The following EFCAB6 variants were observed in gnomAD, a reference collection of about 807,000 sequenced individuals.
EFCAB6 encodes EF-hand calcium binding domain 6.
Under a neutral mutation model 169.8 loss-of-function variants are expected in EFCAB6, and 156 were observed. The ratio of observed to expected loss-of-function variants is 0.92; its 90% CI spans 0.81 to 1.05. EFCAB6 has a LOEUF of 1.05. EFCAB6 is among the 50% of genes least tolerant of loss of function. The pLI is 0.00. For synonymous variants in EFCAB6, 698 were observed against 676.4 expected (o/e 1.03, Z -0.50); for missense variants, 1,800 against 1,829.1 (o/e 0.98, Z 0.29).
chr22:43,732,300 T>C (rs191107168), intron 7 of EFCAB6, among the ~76,000 whole-genome samples: 1 of 152,208 alleles, frequency 6.6e-6, no homozygotes, highest in African/African-American at 2.4e-5. Flanking sequence ...GAGCATATCC[T>C]TTCTCTAGAG....
rs188677330 is a variant in EFCAB6, at chr22:43,565,523, G to A, written c.3421-10427C>T. Among the ~76,000 whole-genome samples the A allele has an allele frequency of 3.4e-3, 520 of 152,294 alleles. 1 individual carries two copies. Among genetic ancestry groups the A allele is most frequent in the Non-Finnish European group, 4.7e-3 (321 of 68,022 alleles). ...CCACGAAATGGACATATTGCAAAGG[G>A]GCTTTGTGGCCCTTGGTGAGTATCC... On this transcript the variant is annotated intron_variant, in intron 26 of 31. Transcript: ENST00000262726.
chr22:43,765,419 A>G, intron 4 of EFCAB6, 26 bp from the exon 5 acceptor site: 3 of 1,566,474 alleles, frequency 1.9e-6, no homozygotes, highest in Middle Eastern at 1.7e-4. Context: ...AAGAATGACA[A>G]CATGTTAGAG....
intron 2 of EFCAB6, among the ~76,000 whole-genome samples, chr22:43,801,371 G>GA (rs927842334): frequency 3.3e-5 from 5 of 151,292 alleles, no homozygotes; most frequent in Admixed American, 1.3e-4. Flanking sequence ...CTAACATTCA[G>GA]AAAAAAAACA....
intron 1 of EFCAB6, among the ~76,000 whole-genome samples, chr22:43,810,716 C>T (rs1007426051): frequency 1.3e-5 from 2 of 152,158 alleles, no homozygotes; most frequent in African/African-American, 4.8e-5. Flanking sequence ...CTCAGGTAAG[C>T]ACTTCTTGAT....
chr22:43,687,499 T>C lies in EFCAB6; in HGVS notation c.1114A>G (p.Ser372Gly). The change falls in exon 11 of 32, where the codon AGT becomes GGT. Residue 372 changes from serine (S) to glycine (G), a missense_variant. Transcript: ENST00000262726. ...TTTCTTTTTGTCAGGGGACCTTTAC[T>C]GCTAACTTGCAACCCCTGAGGCTCA... ...FHEPQGLQVSSKGPLTKRNSI... is the reference protein window; with the variant it reads ...FHEPQGLQVSGKGPLTKRNSI... 2 of 1,583,664 alleles carry C rather than the reference T, an allele frequency of 1.3e-6. No individual in the cohort carries two copies. Among genetic ancestry groups the C allele is most frequent in the Non-Finnish European group, 1.7e-6 (2 of 1,166,426 alleles).
chr22:43,754,077 C>G (rs1350654293), intron 6 of EFCAB6, among the ~76,000 whole-genome samples: 1 of 152,102 alleles, frequency 6.6e-6, no homozygotes, highest in African/African-American at 2.4e-5. Context: ...GAGGGGTGTA[C>G]TGATTTGTTC....
intron 24 of EFCAB6, among the ~76,000 whole-genome samples, chr22:43,582,192 T>A: frequency 6.6e-6 from 1 of 152,252 alleles, no homozygotes; most frequent in Non-Finnish European, 1.5e-5. Context: ...ATTTAGTTAA[T>A]TTATCTGCTA....
intron 8 of EFCAB6, among the ~76,000 whole-genome samples, chr22:43,729,646 T>C (rs1603290961): frequency 6.6e-6 from 1 of 152,144 alleles, no homozygotes; most frequent in Non-Finnish European, 1.5e-5. Flanking sequence ...TAACTTCAGA[T>C]ACAAAATTAC....
intron 23 of EFCAB6, among the ~76,000 whole-genome samples, chr22:43,593,830 A>G (rs1279295091): frequency 6.6e-6 from 1 of 152,218 alleles, no homozygotes; most frequent in Non-Finnish European, 1.5e-5. Flanking sequence ...AGATGGAGCT[A>G]AGACAGAGCT....
Position 43,731,733 on chromosome 22 carries a change from G to A in EFCAB6, c.723C>T (p.Asn241=), listed in dbSNP as rs747059349. 66 of 1,599,342 alleles carry A rather than the reference G, an allele frequency of 4.1e-5. No homozygotes were observed. The highest frequency in any genetic ancestry group is 5.2e-5 in the Admixed American group (3 of 57,240). The change falls in exon 8 of 32, where the codon AAC becomes AAT. Residue 241 remains asparagine (N), a synonymous_variant. Coordinates refer to ENST00000262726, the MANE Select transcript of EFCAB6 (RefSeq NM_022785.4). ...NVFLKNLSIN[N]DLNLRYCMGN... ...CCATACAATATCTAAGGTTCAAGTC[G>A]TTATTTATGCTGAGATTCTTCAAAA...
In EFCAB6 at chr22:43,677,804, T is replaced by C. The variant is rs564150886; in HGVS notation, c.1419+192A>G. On this transcript the variant is annotated intron_variant, in intron 13 of 31. Transcript: ENST00000262726. ...TTTTCAGAAACGTCAATTACCATCC[T>C]TTTTTAAGATTCAGAAACTAAAAGT... 1.2e-4 allele frequency among the ~76,000 whole-genome samples: 19 copies of C among 152,318 alleles called. No homozygotes were observed. The South Asian group carries it at 3.7e-3, about 30-fold the overall frequency.
Position 43,668,959 on chromosome 22 carries a change from G to C in EFCAB6, c.1727C>G (p.Thr576Ser), listed in dbSNP as rs879695880. The change falls in exon 16 of 32, where the codon ACT (threonine) becomes AGT (serine). Residue 576 changes from threonine to serine, a missense_variant. Coordinates refer to ENST00000262726, the MANE Select transcript of EFCAB6 (RefSeq NM_022785.4). ...LACIGIDGPP[T>S]VSPVLVPKDQ... Reference sequence around the variant, plus strand: ...CTTTGGAACAAGAACTGGAGAGACAGTGGGTGGGCCATCAATTCCTATGCA... The same window carrying C: ...CTTTGGAACAAGAACTGGAGAGACACTGGGTGGGCCATCAATTCCTATGCA... The C allele has an allele frequency of 9.9e-6, 16 of 1,613,480 alleles. No homozygotes were observed. The highest frequency in any genetic ancestry group is 1.3e-5 in the African/African-American group (1 of 74,910).
intron 2 of EFCAB6, among the ~76,000 whole-genome samples, chr22:43,794,158 G>A (rs527759819): frequency 3.9e-5 from 6 of 152,234 alleles, no homozygotes; most frequent in African/African-American, 1.4e-4. Flanking sequence ...TGAGTTTATA[G>A]GTTTTGCCTT....
At chr22:43,709,210 T>G (rs1047903513) in intron 10 of EFCAB6, among the ~76,000 whole-genome samples, 6 of 152,100 alleles carry the variant, frequency 3.9e-5, no homozygotes, top group African/African-American at 1.4e-4. Context: ...GCCTCCCAAA[T>G]AGCTGGGATT....
chr22:43,600,383 C>T (rs957099930), intron 22 of EFCAB6, 120 bp from the exon 23 acceptor site: 40 of 1,030,858 alleles, frequency 3.9e-5, no homozygotes, highest in South Asian at 1.7e-4. Flanking sequence ...CCTCACCACT[C>T]GGAGCATGCC....
At chr22:43,807,664 G>A (rs1008979316) in intron 2 of EFCAB6, among the ~76,000 whole-genome samples, 1 of 152,196 alleles carries the variant, frequency 6.6e-6, no homozygotes, top group Non-Finnish European at 1.5e-5. Flanking sequence ...AAAATTGCTG[G>A]AACTGTATCA....
chr22:43,808,766 C>A (rs767018246), intron 2 of EFCAB6, among the ~76,000 whole-genome samples: 4 of 152,296 alleles, frequency 2.6e-5, no homozygotes, highest in Admixed American at 6.5e-5. Flanking sequence ...AAAAACCCAG[C>A]AGGAAGAACT....
At chr22:43,792,746 CCT>C (rs1415525629) in intron 2 of EFCAB6, among the ~76,000 whole-genome samples, 3 of 152,186 alleles carry the variant, frequency 2.0e-5, no homozygotes, top group Non-Finnish European at 4.4e-5. Context: ...GGAGACTAAG[CCT>C]CTCTCTTCCA....
At chr22:43,787,590 T>A (rs1284898250) in intron 2 of EFCAB6, among the ~76,000 whole-genome samples, 6 of 152,160 alleles carry the variant, frequency 3.9e-5, no homozygotes, top group Admixed American at 3.9e-4. Context: ...CTACACAATA[T>A]TGTTGAAAGT....
Sources: allele counts gnomAD v4.1 joint callset (sites outside exome capture counted in the v4.1 genomes callset), GRCh38; gene constraint gnomAD v4.1.1; transcripts MANE v1.5; gene names NCBI Gene and HGNC (gene_info 2026-07-23, HGNC 2026-07-21).